CCSER1: variants seen among roughly 807,000 people sequenced by gnomAD.
CCSER1 encodes coiled-coil serine rich protein 1.
CCSER1 carries 41 observed loss-of-function variants against 82.0 expected under a neutral mutation model. The ratio of observed to expected loss-of-function variants is 0.50; its 90% CI spans 0.39 to 0.65. CCSER1 has a LOEUF of 0.65. Among genes scored for constraint, CCSER1 ranks in the 30% least tolerant of loss-of-function variants. The pLI is 0.00. For missense variants in CCSER1, 1,119 were observed against 1,064.2 expected (o/e 1.05, Z -0.72); for synonymous variants, 414 against 383.9 (o/e 1.08, Z -0.92).
intron 5 of CCSER1, among the ~76,000 whole-genome samples, chr4:90,596,322 G>A (rs932732616): frequency 1.3e-5 from 2 of 151,740 alleles, no homozygotes; most frequent in African/African-American, 2.4e-5. Context: ...TTCAATTAAA[G>A]TTATTTAATG....
At chr4:90,731,002 T>C (rs1373884749) in intron 7 of CCSER1, among the ~76,000 whole-genome samples, 1 of 152,152 alleles carries the variant, frequency 6.6e-6, no homozygotes, top group Non-Finnish European at 1.5e-5. Context: ...CAGACTATTG[T>C]TAAACTATTG....
chr4:91,265,610 C>G (rs933732054), intron 10 of CCSER1, among the ~76,000 whole-genome samples: 2 of 152,082 alleles, frequency 1.3e-5, no homozygotes, highest in African/African-American at 2.4e-5. Context: ...TTCCATTGGT[C>G]TGTTCACTTC....
intron 10 of CCSER1, among the ~76,000 whole-genome samples, chr4:91,142,323 G>A (rs1729119761): frequency 2.0e-5 from 3 of 152,092 alleles, no homozygotes; most frequent in Admixed American, 2.0e-4. Flanking sequence ...TGATTGTGAG[G>A]TCTCCCTAGC....
At chr4:91,203,900 A>G (rs1403504519) in intron 10 of CCSER1, among the ~76,000 whole-genome samples, 11 of 151,926 alleles carry the variant, frequency 7.2e-5, no homozygotes, top group Non-Finnish European at 2.9e-5. Context: ...GTAAAAGATT[A>G]GTGTCTAATC....
intron 6 of CCSER1, among the ~76,000 whole-genome samples, chr4:90,669,922 A>C (rs910837653): frequency 6.6e-6 from 1 of 152,060 alleles, no homozygotes; most frequent in Non-Finnish European, 1.5e-5. Flanking sequence ...TTTTTGAAGG[A>C]TATTTGCCAA....
At chr4:91,088,060 A>G (rs996598780) in intron 10 of CCSER1, among the ~76,000 whole-genome samples, 2 of 152,112 alleles carry the variant, frequency 1.3e-5, no homozygotes, top group African/African-American at 4.8e-5. Flanking sequence ...TCTAATTTCC[A>G]TTTGTTATGT....
chr4:91,507,935 C>A (rs950037889), intron 10 of CCSER1, among the ~76,000 whole-genome samples: 3 of 150,490 alleles, frequency 2.0e-5, no homozygotes, highest in Non-Finnish European at 4.4e-5. Context: ...TATCCCACAA[C>A]ATATCTGAGC....
chr4:90,430,795 G>C (rs1161303521), intron 4 of CCSER1, among the ~76,000 whole-genome samples: 1 of 151,868 alleles, frequency 6.6e-6, no homozygotes, highest in African/African-American at 2.4e-5. Flanking sequence ...TAGGACTAAT[G>C]AAATTTGTTT....
intron 10 of CCSER1, among the ~76,000 whole-genome samples, chr4:91,276,036 T>C (rs1278592363): frequency 6.6e-6 from 1 of 152,160 alleles, no homozygotes; most frequent in Non-Finnish European, 1.5e-5. Context: ...TTTGTACCAA[T>C]ACCATTCTAT....
intron 4 of CCSER1, among the ~76,000 whole-genome samples, chr4:90,429,246 G>C (rs1757949761): frequency 6.6e-6 from 1 of 151,684 alleles, no homozygotes; most frequent in South Asian, 2.1e-4. Flanking sequence ...GTGAAGTATT[G>C]ATGAAAAAAA....
At chr4:90,229,029 C>T (rs1743864159) in intron 1 of CCSER1, among the ~76,000 whole-genome samples, 1 of 152,098 alleles carries the variant, frequency 6.6e-6, no homozygotes, top group African/African-American at 2.4e-5. Context: ...AGAATGGAAC[C>T]AAGTTGGAAA....
At chr4:90,599,973 GT>G (rs760354300) in intron 5 of CCSER1, among the ~76,000 whole-genome samples, 15 of 152,092 alleles carry the variant, frequency 9.9e-5, no homozygotes, top group Non-Finnish European at 2.2e-4. Context: ...AACATATGTA[GT>G]TTTTGTTGTC....
intron 5 of CCSER1, among the ~76,000 whole-genome samples, chr4:90,541,387 G>A (rs1438033305): frequency 2.0e-5 from 3 of 151,992 alleles, no homozygotes; most frequent in Non-Finnish European, 4.4e-5. Flanking sequence ...TCTCTGCCTT[G>A]CTACAAGATA....
chr4:91,162,494 C>T (rs1244832667), intron 10 of CCSER1, among the ~76,000 whole-genome samples: 1 of 152,096 alleles, frequency 6.6e-6, no homozygotes, highest in African/African-American at 2.4e-5. Flanking sequence ...GGAATATTTT[C>T]AGAAGGAATG....
intron 1 of CCSER1, among the ~76,000 whole-genome samples, chr4:90,276,172 A>G (rs1727490092): frequency 6.6e-6 from 1 of 150,656 alleles, no homozygotes; most frequent in Non-Finnish European, 1.5e-5. Context: ...CTAGCAGGAA[A>G]GACTTGAACA....
At chr4:91,441,648 G>T (rs1315697076) in intron 10 of CCSER1, among the ~76,000 whole-genome samples, 2 of 152,140 alleles carry the variant, frequency 1.3e-5, no homozygotes, top group Non-Finnish European at 2.9e-5. Flanking sequence ...AGGAAATAAA[G>T]GGTATTCAAT....
intron 9 of CCSER1, among the ~76,000 whole-genome samples, chr4:91,006,549 G>A (rs1345275113): frequency 6.6e-6 from 1 of 151,198 alleles, no homozygotes; most frequent in Non-Finnish European, 1.5e-5. Context: ...GAGTGCAGTG[G>A]CGTGATCTCG....
rs561828923 is a variant in CCSER1 at position 90,503,346 on chromosome 4, G to A, written c.1724+34992G>A. On this transcript the variant is annotated intron_variant, in intron 5 of 10. Transcript: ENST00000509176. ...TATTTCTTGTGGTCTTACTATAAGC[G>A]AACCAATACTTAAATAAGAAAACTT... 7.2e-5 allele frequency among the ~76,000 whole-genome samples: 11 copies of A among 152,226 alleles called. No individual in the cohort carries two copies. In the South Asian group the frequency reaches 1.0e-3, roughly 14 times the overall value.
chr4:90,534,749 A>G (rs1223712068), intron 5 of CCSER1, among the ~76,000 whole-genome samples: 1 of 152,170 alleles, frequency 6.6e-6, no homozygotes. Flanking sequence ...CCAGTTGAGC[A>G]TTGTATTGTT....
Sources: allele counts gnomAD v4.1 joint callset (sites outside exome capture counted in the v4.1 genomes callset), GRCh38; gene constraint gnomAD v4.1.1; transcripts MANE v1.5; gene names NCBI Gene and HGNC (gene_info 2026-07-23, HGNC 2026-07-21).